ATG16L1: variants seen among roughly 807,000 people sequenced by gnomAD.
The protein encoded by ATG16L1 is autophagy-related protein 16-1.
A neutral mutation model predicts 88.5 loss-of-function variants in ATG16L1; 37 were observed. The observed-to-expected ratio is 0.42, with a 90% CI of 0.32 to 0.55. The LOEUF is 0.55. Ranked by LOEUF, ATG16L1 falls within the 20% of genes least tolerant of loss-of-function variation. The pLI, the probability that ATG16L1 is intolerant of heterozygous loss-of-function variation, is 0.13. For missense variants in ATG16L1, 554 were observed against 752.8 expected (o/e 0.74, Z 3.09); for synonymous variants, 301 against 281.0 (o/e 1.07, Z -0.71).
At chr2:233,286,873 C>T (rs181720094) in intron 12 of ATG16L1, among the ~76,000 whole-genome samples, 1 of 151,996 alleles carries the variant, frequency 6.6e-6, no homozygotes, top group East Asian at 1.9e-4. Flanking sequence ...GATCCGCTCA[C>T]CTCGGCCTCC....
At chr2:233,282,207 C>T (rs1698761779) in intron 11 of ATG16L1, among the ~76,000 whole-genome samples, 2 of 152,104 alleles carry the variant, frequency 1.3e-5, no homozygotes, top group African/African-American at 4.8e-5. Context: ...CTGCAGTGGC[C>T]CGTGCGTTCA....
intron 2 of ATG16L1, among the ~76,000 whole-genome samples, chr2:233,259,396 G>A (rs1441090): frequency 0.077 from 11,764 of 152,184 alleles, 494 homozygotes; most frequent in African/African-American, 0.11. Context: ...CAGTTGAAGG[G>A]TTGGGGGTCT....
At chr2:233,292,023 A>G in intron 14 of ATG16L1, 105 bp from the exon 15 acceptor site, 1 of 1,341,806 alleles carries the variant, frequency 7.5e-7, no homozygotes, top group Non-Finnish European at 1.0e-6. Context: ...GCGCTGGCAG[A>G]GCGTTGCATG....
At chr2:233,269,851 G>A (rs1172102196) in intron 5 of ATG16L1, 151 bp from the exon 6 acceptor site, 2 of 652,704 alleles carry the variant, frequency 3.1e-6, no homozygotes, top group Non-Finnish European at 4.9e-6. Flanking sequence ...TATGAGTTTG[G>A]GCTTGTGACT....
intron 5 of ATG16L1, among the ~76,000 whole-genome samples, chr2:233,266,329 T>C (rs1355855627): frequency 6.6e-6 from 1 of 152,152 alleles, no homozygotes; most frequent in African/African-American, 2.4e-5. Context: ...CATGGTGGTA[T>C]GTGCTTGTGG....
rs1278500628 is a variant in ATG16L1, at chr2:233,294,987, TTTTG to T, written c.*641_*644del. On this transcript the variant is annotated 3_prime_UTR_variant, in exon 18 of 18. Coordinates refer to ENST00000392017, the MANE Select transcript of ATG16L1 (RefSeq NM_030803.7). ...CTCCGTGTGGCTTTAAAAAATGGTT[TTTTG>T]TTTTTTTGTTTTTTTGAGGTGGGAG... The T allele has an allele frequency of 2.0e-5, 3 of 152,356 alleles. No individual in the cohort carries two copies. The highest frequency in any genetic ancestry group is 4.4e-5 in the Non-Finnish European group (3 of 68,036). The allele number at this position is 152,356 out of a possible 1,614,324, so 9.4% of individuals were successfully genotyped here.
At chr2:233,265,178 CTTAG>C in intron 5 of ATG16L1, 35 bp downstream of exon 5, 1 of 1,609,712 alleles carries the variant, frequency 6.2e-7, no homozygotes, top group Non-Finnish European at 8.5e-7. Flanking sequence ...GGTTTCCATC[CTTAG>C]TAGAGTAGAA....
At chr2:233,269,923 G>A in intron 5 of ATG16L1, 79 bp from the exon 6 acceptor site, 1 of 1,412,684 alleles carries the variant, frequency 7.1e-7, no homozygotes, top group Non-Finnish European at 9.5e-7. Flanking sequence ...ATTAGAACTG[G>A]TGGCTTCTAG....
intron 12 of ATG16L1, among the ~76,000 whole-genome samples, chr2:233,286,666 C>A (rs1432937207): frequency 1.4e-5 from 2 of 141,538 alleles, no homozygotes; most frequent in Non-Finnish European, 3.0e-5. Flanking sequence ...CGCTCAGTCA[C>A]CCAGGCTGGA....
At chr2:233,289,616 T>C (rs1302564895) in intron 12 of ATG16L1, among the ~76,000 whole-genome samples, 1 of 152,192 alleles carries the variant, frequency 6.6e-6, no homozygotes, top group African/African-American at 2.4e-5. Context: ...GTTCTTGAAC[T>C]CCTGGGCTCA....
Position 233,289,912 on chromosome 2 carries a change from C to A in ATG16L1, c.1262C>A (p.Ala421Glu), listed in dbSNP as rs751543614. The A allele has an allele frequency of 6.2e-7, 1 of 1,614,172 alleles. No individual in the cohort carries two copies. The highest frequency in any genetic ancestry group is 8.5e-7 in the Non-Finnish European group (1 of 1,180,030). ...TCTGCTAAGTTCCTGCTGGACAATG[C>A]GCGGATTGTCTCAGGAAGTCACGAC... ...VLSAKFLLDN[A>E]RIVSGSHDRT... Residue 421 changes from alanine to glutamate, a missense_variant, in exon 13 of 18, where the codon GCG becomes GAG. Physicochemically the swap from Ala to Glu is moderately radical, Grantham distance 107. This residue lies in a region of ATG16L1 where 370 missense variants were observed against 509.7 expected (regional missense o/e 0.73). Coordinates refer to ENST00000392017, the MANE Select transcript of ATG16L1 (RefSeq NM_030803.7).
chr2:233,288,674 G>T (rs940539793), intron 12 of ATG16L1: 2 of 489,268 alleles, frequency 4.1e-6, no homozygotes, highest in Admixed American at 2.0e-5. Context: ...GCACTGCATA[G>T]AGGTCAATGA....
At chr2:233,255,751 G>A (rs1429408614) in intron 1 of ATG16L1, among the ~76,000 whole-genome samples, 1 of 152,134 alleles carries the variant, frequency 6.6e-6, no homozygotes, top group Non-Finnish European at 1.5e-5. Flanking sequence ...CTCCATGTTG[G>A]AGACTGTCAT....
At chr2:233,280,158 C>G (rs769836559) in intron 10 of ATG16L1, among the ~76,000 whole-genome samples, 12 of 152,158 alleles carry the variant, frequency 7.9e-5, no homozygotes, top group Non-Finnish European at 1.8e-4. Flanking sequence ...GTATTCGTGT[C>G]ACCTTGATAT....
chr2:233,270,774 G>A (rs2125241964), intron 6 of ATG16L1, among the ~76,000 whole-genome samples: 1 of 152,304 alleles, frequency 6.6e-6, no homozygotes, highest in African/African-American at 2.4e-5. Flanking sequence ...AAGTTAAGGT[G>A]GGGTATCTTC....
chr2:233,261,648 T>G (rs1697221681), intron 2 of ATG16L1, among the ~76,000 whole-genome samples: 1 of 142,474 alleles, frequency 7.0e-6, no homozygotes, highest in South Asian at 2.4e-4. Flanking sequence ...GGCAGTTCTT[T>G]CCGCTCTCAT....
intron 12 of ATG16L1, 45 bp from the exon 13 acceptor site, chr2:233,289,809 G>T (rs1699340430): frequency 1.2e-6 from 2 of 1,602,014 alleles, no homozygotes; most frequent in Non-Finnish European, 1.7e-6. Flanking sequence ...GCATAGGCAG[G>T]GCCTGGCGCC....
At chr2:233,256,242 T>C (rs1696768791) in intron 2 of ATG16L1, 47 bp downstream of exon 2, 1 of 1,487,706 alleles carries the variant, frequency 6.7e-7, no homozygotes, top group African/African-American at 1.4e-5. Flanking sequence ...CTAAGGAAAT[T>C]TATCTCAGTT....
chr2:233,270,645 G>A (rs1697933146), intron 6 of ATG16L1, among the ~76,000 whole-genome samples: 1 of 152,062 alleles, frequency 6.6e-6, no homozygotes, highest in Admixed American at 6.6e-5. Context: ...TGTTTTGTTT[G>A]TTTTTTCCCT....
Sources: allele counts gnomAD v4.1 joint callset (sites outside exome capture counted in the v4.1 genomes callset), GRCh38; gene constraint gnomAD v4.1.1; regional missense constraint gnomAD v4.1.1; transcripts MANE v1.5; gene names NCBI Gene and HGNC (gene_info 2026-07-23, HGNC 2026-07-21).